The following CCT6A variants were observed in gnomAD, a reference collection of about 807,000 sequenced individuals.
CCT6A encodes the protein T-complex protein 1 subunit zeta.
A neutral mutation model predicts 58.6 loss-of-function variants in CCT6A; 6 were observed. The ratio of observed to expected loss-of-function variants is 0.10; its 90% CI spans 0.06 to 0.20. The LOEUF (loss-of-function observed/expected upper bound fraction) is 0.20, where lower values mean the gene tolerates loss of function less well. Among genes scored for constraint, CCT6A ranks in the 10% least tolerant of loss-of-function variants. The pLI is 1.00. For missense variants in CCT6A, 516 were observed against 648.8 expected (o/e 0.80, Z 2.22); for synonymous variants, 245 against 227.8 (o/e 1.08, Z -0.68).
At chr7:56,055,840 A>G (rs1386252294) in intron 4 of CCT6A, 43 bp downstream of exon 4, 3 of 1,390,358 alleles carry the variant, frequency 2.2e-6, no homozygotes, top group African/African-American at 1.4e-5. Flanking sequence ...GTATACCTAT[A>G]TAGAAAATCT....
chr7:56,059,586 C>T lies in CCT6A; in HGVS notation c.1011C>T (p.Asp337=), dbSNP rs372800761. 519 of 1,608,230 alleles carry T rather than the reference C, an allele frequency of 3.2e-4. 5 individuals are homozygous for T. The South Asian group carries it at 4.2e-3, about 13-fold the overall frequency. The change falls in exon 9 of 14, where the codon GAC becomes GAT. Residue 337 remains aspartate (D), a synonymous_variant. Transcript: ENST00000275603. ...GTGGGGTAGCCCTGAATTCTTTTGA[C>T]GACCTAAGTCCTGACTGCTTGGGAC... ...ACGGVALNSF[D]DLSPDCLGHA... is the part of the protein sequence containing the mutation.
At chr7:56,054,807 A>G (rs1480918951) in intron 3 of CCT6A, among the ~76,000 whole-genome samples, 1 of 152,200 alleles carries the variant, frequency 6.6e-6, no homozygotes, top group Non-Finnish European at 1.5e-5. Flanking sequence ...TGTTAGGAAA[A>G]AGGCAACCAA....
At chr7:56,060,461 G>T (rs555783055) in intron 10 of CCT6A, 45 bp downstream of exon 10, 2 of 1,591,350 alleles carry the variant, frequency 1.3e-6, no homozygotes, top group African/African-American at 2.7e-5. Flanking sequence ...TGTTTTGCTG[G>T]TCTGAAAGGC....
rs188279367 is a variant in CCT6A at position 56,055,452 on chromosome 7, A to C, written c.337-172A>C. ...TTCATTACCTGTTCATCTGCTCTGCATTGAAAGGAATATTTGTCCTTTTAA... is the reference window on the plus strand; with the variant it reads ...TTCATTACCTGTTCATCTGCTCTGCCTTGAAAGGAATATTTGTCCTTTTAA... On this transcript the variant is annotated intron_variant, in intron 3 of 13. Coordinates refer to ENST00000275603, the MANE Select transcript of CCT6A (RefSeq NM_001762.4). 84 of 694,082 alleles carry C rather than the reference A, an allele frequency of 1.2e-4. No homozygotes were observed. The East Asian group carries it at 2.1e-3, about 17-fold the overall frequency. 43.0% of individuals were successfully genotyped at this position (694,082 alleles called of 1,614,324 possible).
In CCT6A at chr7:56,063,338, CAT is replaced by C. The variant is rs900593896; in HGVS notation, c.*255_*256del. 4 of 482,938 alleles carry C rather than the reference CAT, an allele frequency of 8.3e-6. No individual in the cohort carries two copies. Among genetic ancestry groups the C allele is most frequent in the South Asian group, 2.6e-5 (1 of 38,780 alleles). The allele number at this position is 482,938 out of a possible 1,614,324, so 29.9% of individuals were successfully genotyped here. ...GGATGTTTTGCTTTAGCAGCAGTGA[CAT>C]AAAATTCCATGTTAGATAAGCATAT... On this transcript the variant is annotated 3_prime_UTR_variant, in exon 14 of 14. Transcript: ENST00000275603.
At chr7:56,053,756 C>CA (rs1190559604) in intron 2 of CCT6A, among the ~76,000 whole-genome samples, 1 of 151,762 alleles carries the variant, frequency 6.6e-6, no homozygotes. Flanking sequence ...AGGGTATCTC[C>CA]AAAACAAAAC....
rs758352451 is a variant in CCT6A, at chr7:56,054,499, C to T, written c.332C>T (p.Ser111Phe). The T allele has an allele frequency of 1.2e-5, 20 of 1,611,612 alleles. No individual in the cohort carries two copies. Among genetic ancestry groups the T allele is most frequent in the Non-Finnish European group, 1.7e-5 (20 of 1,178,818 alleles). ...CTGAAACAGGCGGATCTCTACATTT[C>T]TGAAGTATGCACAACTCTTGTTTCT... is the stretch of plus-strand genomic sequence containing the variant. ...ELLKQADLYI[S>F]EGLHPRIITE... Residue 111 changes from serine (S) to phenylalanine (F), a missense_variant, in exon 3 of 14, where the codon TCT (serine) becomes TTT (phenylalanine). Physicochemically the swap from Ser to Phe is radical, Grantham distance 155 (BLOSUM62 -2). Transcript: ENST00000275603.
chr7:56,061,593 T>C (rs1794435233), intron 11 of CCT6A, 154 bp from the exon 12 acceptor site: 2 of 455,858 alleles, frequency 4.4e-6, no homozygotes, highest in South Asian at 2.6e-5. Flanking sequence ...GTGATCCACC[T>C]TCCACGGCCT....
intron 6 of CCT6A, 97 bp from the exon 7 acceptor site, chr7:56,058,265 G>C: frequency 1.0e-6 from 1 of 957,772 alleles, no homozygotes; most frequent in Non-Finnish European, 1.6e-6. Flanking sequence ...GGCAGGATTG[G>C]AGCTCAGTGA....
rs1333650815 is a variant in CCT6A at position 56,058,642 on chromosome 7, A to T, written c.908A>T (p.Asp303Val). 6.2e-7 allele frequency: 1 copy of T among 1,606,618 alleles called. No individual in the cohort carries two copies. The highest frequency in any genetic ancestry group is 1.1e-5 in the South Asian group (1 of 90,776). Residue 303 changes from aspartate to valine, a missense_variant, in exon 8 of 14, where the codon GAT (aspartate) becomes GTT (valine). Physicochemically the swap from Asp to Val is radical, Grantham distance 152. Transcript: ENST00000275603. ...CAGGGAATTGACCCCTTTTCCTTAG[A>T]TGCTCTTTCAAAAGAAGGCATAGTT... is the stretch of plus-strand genomic sequence containing the variant. ...NQKGIDPFSL[D>V]ALSKEGIVAL...
chr7:56,056,406 T>C lies in CCT6A; in HGVS notation c.606T>C (p.Thr202=). 6.9e-7 allele frequency: 1 copy of C among 1,453,756 alleles called. No homozygotes were observed. The highest frequency in any genetic ancestry group is 1.1e-5 in the South Asian group (1 of 87,908). 90.1% of individuals were successfully genotyped at this position (1,453,756 alleles called of 1,614,324 possible). Reference sequence around the variant, plus strand: ...TGGAGATGAAACATAAATCTGAAACTGATACAAGGTAGGTGGTAGAAGACT... The same window carrying C: ...TGGAGATGAAACATAAATCTGAAACCGATACAAGGTAGGTGGTAGAAGACT... ...EIMEMKHKSE[T]DTSLIRGLVL... Residue 202 remains threonine (T), a synonymous_variant, in exon 5 of 14, where the codon ACT becomes ACC. Transcript: ENST00000275603.
chr7:56,060,157 T>C, intron 9 of CCT6A, 112 bp from the exon 10 acceptor site: 1 of 870,230 alleles, frequency 1.1e-6, no homozygotes, highest in East Asian at 2.5e-5. Flanking sequence ...TGCTTTAATG[T>C]GATCAAGTTT....
At chr7:56,057,941 T>C in intron 5 of CCT6A, 52 bp from the exon 6 acceptor site, 1 of 958,360 alleles carries the variant, frequency 1.0e-6, no homozygotes, top group Non-Finnish European at 1.7e-6. Flanking sequence ...GTTTAATATA[T>C]TAAATACCCA....
At chr7:56,058,209 T>C (rs1028152176) in intron 6 of CCT6A, 106 bp downstream of exon 6, 1 of 886,098 alleles carries the variant, frequency 1.1e-6, no homozygotes, top group African/African-American at 1.7e-5. Flanking sequence ...AATGCTCAAA[T>C]TGGTTTGGGG....
intron 8 of CCT6A, 179 bp downstream of exon 8, chr7:56,058,881 CTG>C (rs1794370767): frequency 8.9e-6 from 4 of 451,262 alleles, no homozygotes; most frequent in South Asian, 1.1e-4. Context: ...CAAACTGAAA[CTG>C]TATACCCATT....
At chr7:56,060,173 T>C in intron 9 of CCT6A, 96 bp from the exon 10 acceptor site, 1 of 1,041,650 alleles carries the variant, frequency 9.6e-7, no homozygotes, top group Non-Finnish European at 1.4e-6. Context: ...AGTTTGTTCC[T>C]TATTAATATG....
At chr7:56,055,313 C>A in intron 3 of CCT6A, 1 of 366,542 alleles carries the variant, frequency 2.7e-6, no homozygotes, top group Non-Finnish European at 5.2e-6. Flanking sequence ...ATAATGCTAC[C>A]ATCTGTGAGT....
intron 12 of CCT6A, 49 bp downstream of exon 12, chr7:56,061,898 G>A: frequency 9.7e-7 from 1 of 1,029,834 alleles, no homozygotes; most frequent in Non-Finnish European, 1.5e-6. Flanking sequence ...TAATACGTGT[G>A]AGTTGAAGCC....
rs530363295 is a variant in CCT6A, at chr7:56,059,800, C to T, written c.1065+160C>T. On this transcript the variant is annotated intron_variant, in intron 9 of 13. Coordinates refer to ENST00000275603, the MANE Select transcript of CCT6A (RefSeq NM_001762.4). Reference sequence around the variant, plus strand: ...TCTTCCTGGGTTCAAGTGATCCTCCCGCCTCAGGCTTCTGAGCAGGTGGGA... The same window carrying T: ...TCTTCCTGGGTTCAAGTGATCCTCCTGCCTCAGGCTTCTGAGCAGGTGGGA... 3.0e-4 allele frequency: 165 copies of T among 553,488 alleles called. 1 individual carries two copies. The highest frequency in any genetic ancestry group is 1.8e-3 in the African/African-American group (92 of 52,188). The allele number at this position is 553,488 out of a possible 1,614,324, so 34.3% of individuals were successfully genotyped here. A position where few individuals can be genotyped will look rare whatever the true frequency, so the allele number is the denominator to read the frequency against.
Sources: gnomAD v4.1 joint callset for allele counts (sites outside exome capture counted in the v4.1 genomes callset) on GRCh38, gnomAD v4.1.1 for gene constraint, MANE v1.5 for transcripts, NCBI Gene and HGNC (gene_info 2026-07-23, HGNC 2026-07-21) for gene names.